The following PSIP1 variants were observed in gnomAD, a reference collection of about 807,000 sequenced individuals.
PSIP1 encodes PC4 and SFRS1-interacting protein.
In PSIP1, 19 loss-of-function variants were observed where a neutral mutation model predicts 74.7. The observed-to-expected ratio is 0.25, with a 90% confidence interval of 0.18 to 0.37. The LOEUF (loss-of-function observed/expected upper bound fraction) is 0.37. PSIP1 is among the 10% of genes least tolerant of loss of function. The probability of loss-of-function intolerance (pLI) is 1.00; values close to 1 mark genes in which losing one functional copy is unlikely to be tolerated. For synonymous variants in PSIP1, 222 were observed against 195.3 expected, an observed-to-expected ratio of 1.14 and a Z score of -1.14; for missense variants, 601 against 614.3, an observed-to-expected ratio of 0.98 and a Z score of 0.23.
intron 3 of PSIP1, among the ~76,000 whole-genome samples, chr9:15,502,359 T>C (rs1211738211): frequency 6.6e-6 from 1 of 152,208 alleles, no homozygotes; most frequent in Non-Finnish European, 1.5e-5. Context: ...GATGACTCCA[T>C]GGATACAGAA....
intron 8 of PSIP1, among the ~76,000 whole-genome samples, chr9:15,476,972 A>G (rs2036113794): frequency 6.6e-6 from 1 of 152,190 alleles, no homozygotes; most frequent in Non-Finnish European, 1.5e-5. Context: ...AAAGTAGAGA[A>G]GTTCCAGAGG....
At chr9:15,506,774 C>G in intron 2 of PSIP1, 137 bp from the exon 3 acceptor site, 1 of 604,770 alleles carries the variant, frequency 1.7e-6, no homozygotes, top group Non-Finnish European at 2.6e-6. Context: ...ATCTCCTATC[C>G]CCAAATCTGA....
chr9:15,500,421 CGCCACT>C (rs2037286346), intron 3 of PSIP1, among the ~76,000 whole-genome samples: 2 of 151,940 alleles, frequency 1.3e-5, no homozygotes, highest in African/African-American at 4.8e-5. Context: ...GCGGAGATTG[CGCCACT>C]GCCACTGCAC....
chr9:15,489,647 TAA>T (rs1321973140), intron 4 of PSIP1, among the ~76,000 whole-genome samples: 1 of 150,602 alleles, frequency 6.6e-6, no homozygotes, highest in Non-Finnish European at 1.5e-5. Context: ...ATTAATTAAT[TAA>T]AGAGAATAAG....
At chr9:15,473,933 A>T in intron 9 of PSIP1, 76 bp downstream of exon 9, 1 of 966,780 alleles carries the variant, frequency 1.0e-6, no homozygotes, top group Non-Finnish European at 1.4e-6. Flanking sequence ...AAAACAAAAA[A>T]AAAACAAAGA....
chr9:15,497,347 A>T (rs2037129198), intron 3 of PSIP1, among the ~76,000 whole-genome samples: 1 of 93,266 alleles, frequency 1.1e-5, no homozygotes, highest in African/African-American at 1.4e-4. Flanking sequence ...TTTTTGAGAC[A>T]GAGTCTTGCT....
intron 14 of PSIP1, among the ~76,000 whole-genome samples, chr9:15,467,098 T>A (rs939671185): frequency 6.6e-6 from 1 of 152,136 alleles, no homozygotes; most frequent in African/African-American, 2.4e-5. Flanking sequence ...TAAGGCACCA[T>A]AAAAAGCAGG....
chr9:15,470,106 C>G, intron 10 of PSIP1, 113 bp from the exon 11 acceptor site: 1 of 785,958 alleles, frequency 1.3e-6, no homozygotes, highest in South Asian at 1.5e-5. Context: ...ATAGCCTAGA[C>G]TGCAAAGGAA....
chr9:15,497,308 C>T (rs1394069577), intron 3 of PSIP1, among the ~76,000 whole-genome samples: 1 of 138,182 alleles, frequency 7.2e-6, no homozygotes. Flanking sequence ...CACTGAAGAC[C>T]ACACGTTCTA....
chr9:15,471,537 C>CAAA, intron 10 of PSIP1: 1 of 974,358 alleles, frequency 1.0e-6, no homozygotes, highest in East Asian at 1.1e-4. Flanking sequence ...AACAGCTTTT[C>CAAA]AGTGAAAAGA....
intron 6 of PSIP1, among the ~76,000 whole-genome samples, chr9:15,484,056 C>G (rs985130166): frequency 1.4e-5 from 2 of 147,348 alleles, no homozygotes; most frequent in African/African-American, 5.0e-5. Flanking sequence ...CGCTTGAACC[C>G]GGGAGGTGGA....
chr9:15,472,934 G>A (rs900970921), intron 9 of PSIP1, among the ~76,000 whole-genome samples, 184 bp from the exon 10 acceptor site: 1 of 152,142 alleles, frequency 6.6e-6, no homozygotes, highest in Non-Finnish European at 1.5e-5. Context: ...ATTAATGACC[G>A]TGAAATAATC....
At chr9:15,509,816 CTTCA>C (rs1379562277) in intron 2 of PSIP1, among the ~76,000 whole-genome samples, 2 of 152,176 alleles carry the variant, frequency 1.3e-5, no homozygotes, top group African/African-American at 4.8e-5. Flanking sequence ...AAAATTCACT[CTTCA>C]TTATTTCACC....
intron 4 of PSIP1, among the ~76,000 whole-genome samples, chr9:15,488,436 T>A (rs2036654245): frequency 6.6e-6 from 1 of 152,174 alleles, no homozygotes; most frequent in Non-Finnish European, 1.5e-5. Context: ...GGACCTCAGG[T>A]CTTAAACAGA....
chr9:15,495,287 G>C (rs2037022505), intron 3 of PSIP1, among the ~76,000 whole-genome samples: 1 of 148,296 alleles, frequency 6.7e-6, no homozygotes, highest in Non-Finnish European at 1.5e-5. Flanking sequence ...CTACCACAAA[G>C]TTACTGTATA....
chr9:15,495,837 C>G (rs1312546796), intron 3 of PSIP1, among the ~76,000 whole-genome samples: 1 of 152,192 alleles, frequency 6.6e-6, no homozygotes, highest in Admixed American at 6.5e-5. Flanking sequence ...CACTAAGTTT[C>G]TCTGGCTGGA....
chr9:15,499,381 A>C (rs946939818), intron 3 of PSIP1, among the ~76,000 whole-genome samples: 2 of 152,256 alleles, frequency 1.3e-5, no homozygotes, highest in Admixed American at 6.5e-5. Context: ...ATACTGAGGC[A>C]GCTCAAATGC....
intron 4 of PSIP1, among the ~76,000 whole-genome samples, chr9:15,488,052 C>T (rs560919890): frequency 9.9e-5 from 15 of 152,184 alleles, no homozygotes; most frequent in Middle Eastern, 3.4e-3. Context: ...AAAGCTAGGC[C>T]GGGCACAGTG....
In PSIP1 at chr9:15,468,749, G is replaced by C. The variant is rs369700773; in HGVS notation, c.1301C>G (p.Ser434Cys). The C allele has an allele frequency of 8.1e-6, 13 of 1,613,840 alleles. No homozygotes were observed. The highest frequency in any genetic ancestry group is 1.1e-5 in the Non-Finnish European group (13 of 1,179,934). Residue 434 changes from serine (S) to cysteine (C), a missense_variant, in exon 14 of 16, where the codon TCC becomes TGC. Physicochemically the swap from Ser to Cys is moderately radical, Grantham distance 112. Transcript: ENST00000380733. ...TTTATTCAGCACTTGGGTGATCACG[G>C]AATCTCCTTCACCAACCAAGAACAT... is the stretch of plus-strand genomic sequence containing the variant. ...KNMFLVGEGD[S>C]VITQVLNKSL...
Sources: gnomAD v4.1 joint callset for allele counts (sites outside exome capture counted in the v4.1 genomes callset) on GRCh38, gnomAD v4.1.1 for gene constraint, MANE v1.5 for transcripts, NCBI Gene and HGNC (gene_info 2026-07-23, HGNC 2026-07-21) for gene names.